Variants in RAPGEF2 observed in about 807,000 individuals in gnomAD.
RAPGEF2 encodes the protein Rap guanine nucleotide exchange factor 2.
RAPGEF2 carries 54 observed loss-of-function variants against 186.7 expected under a neutral mutation model. The ratio of observed to expected loss-of-function variants is 0.29; its 90% CI spans 0.23 to 0.36. The LOEUF (loss-of-function observed/expected upper bound fraction) is 0.36, where lower values mean the gene tolerates loss of function less well. Ranked by LOEUF, RAPGEF2 falls within the 10% of genes least tolerant of loss-of-function variation. The pLI is 1.00. For missense variants in RAPGEF2, 1,532 were observed against 2,045.0 expected (o/e 0.75, Z 4.84); for synonymous variants, 712 against 705.9 (o/e 1.01, Z -0.14).
chr4:159,137,954 T>G (rs1032648849), intron 1 of RAPGEF2, among the ~76,000 whole-genome samples: 4 of 152,248 alleles, frequency 2.6e-5, no homozygotes, highest in Non-Finnish European at 5.9e-5. Context: ...GGTTTTTAAA[T>G]TCTTTTCTTG....
intron 7 of RAPGEF2, among the ~76,000 whole-genome samples, chr4:159,262,269 TAAAAAC>T (rs1756962775): frequency 6.6e-6 from 1 of 152,144 alleles, no homozygotes; most frequent in Non-Finnish European, 1.5e-5. Context: ...TTTTCTTAAA[TAAAAAC>T]AGAGGGATAA....
At chr4:159,187,895 T>G (rs1747715611) in intron 2 of RAPGEF2, among the ~76,000 whole-genome samples, 1 of 152,212 alleles carries the variant, frequency 6.6e-6, no homozygotes, top group East Asian at 1.9e-4. Context: ...ACTAATTAAT[T>G]TGTGAGCATG....
intron 4 of RAPGEF2, among the ~76,000 whole-genome samples, chr4:159,230,616 A>T (rs1752527868): frequency 6.6e-6 from 1 of 152,186 alleles, no homozygotes. Flanking sequence ...TTTGGTCTTT[A>T]TAGGTTTGAC....
At chr4:159,322,566 T>C in intron 10 of RAPGEF2, 83 bp downstream of exon 10, 1 of 1,218,168 alleles carries the variant, frequency 8.2e-7, no homozygotes, top group Non-Finnish European at 1.2e-6. Flanking sequence ...CAATTCTTAC[T>C]TTTTCCTTTT....
At chr4:159,230,992 A>G (rs1216497232) in intron 4 of RAPGEF2, among the ~76,000 whole-genome samples, 1 of 152,184 alleles carries the variant, frequency 6.6e-6, no homozygotes, top group Non-Finnish European at 1.5e-5. Context: ...ATATGTCAGA[A>G]ATAATATTAT....
intron 12 of RAPGEF2, 94 bp downstream of exon 12, chr4:159,330,104 T>C: frequency 3.1e-6 from 4 of 1,290,800 alleles, no homozygotes. Flanking sequence ...TTTAGGCCTA[T>C]CTCTTAAAGG....
chr4:159,245,012 AT>A (rs1289978964), intron 7 of RAPGEF2, among the ~76,000 whole-genome samples: 1 of 152,044 alleles, frequency 6.6e-6, no homozygotes, highest in African/African-American at 2.4e-5. Flanking sequence ...ATAACATGAT[AT>A]TTTAAAAGAT....
At position 159,139,575 on chromosome 4, in the gene RAPGEF2, T is replaced by A. The variant is rs1052437644; in HGVS notation, c.69+35344T>A. On this transcript the variant is annotated intron_variant, in intron 1 of 29. Transcript: ENST00000691494. ...ACATGGAGTGTGATACTGGTGAAAT[T>A]AAAAAAAAAAATGTAGCACTTTAAA... Among the ~76,000 whole-genome samples, 5 of 148,210 alleles carry A rather than the reference T, an allele frequency of 3.4e-5. No individual in the cohort carries two copies. In the East Asian group the frequency reaches 7.8e-4, roughly 23 times the overall value.
intron 7 of RAPGEF2, among the ~76,000 whole-genome samples, chr4:159,244,950 T>G (rs2111488613): frequency 6.6e-6 from 1 of 152,136 alleles, no homozygotes; most frequent in African/African-American, 2.4e-5. Context: ...CAGAGTTTTA[T>G]GTACCTCAGT....
At chr4:159,134,244 C>A (rs1234256652) in intron 1 of RAPGEF2, among the ~76,000 whole-genome samples, 1 of 152,054 alleles carries the variant, frequency 6.6e-6, no homozygotes, top group Non-Finnish European at 1.5e-5. Flanking sequence ...AGTGTACAGT[C>A]TTTTTTGCAT....
At chr4:159,274,917 C>T (rs1427929181) in intron 7 of RAPGEF2, among the ~76,000 whole-genome samples, 1 of 152,152 alleles carries the variant, frequency 6.6e-6, no homozygotes, top group Non-Finnish European at 1.5e-5. Context: ...ATGGTCCCTG[C>T]CACTCACTGT....
intron 4 of RAPGEF2, among the ~76,000 whole-genome samples, chr4:159,219,291 T>A (rs1175274939): frequency 3.6e-5 from 5 of 139,608 alleles, no homozygotes; most frequent in Non-Finnish European, 6.2e-5. Flanking sequence ...TTGTTCTTTT[T>A]AAGATATTAA....
At chr4:159,289,953 A>G (rs1760978936) in intron 7 of RAPGEF2, among the ~76,000 whole-genome samples, 1 of 152,126 alleles carries the variant, frequency 6.6e-6, no homozygotes, top group South Asian at 2.1e-4. Flanking sequence ...GAGAAGATCA[A>G]AAGGAGAAGA....
chr4:159,201,639 A>AC (rs899878559), intron 3 of RAPGEF2, among the ~76,000 whole-genome samples: 1 of 152,312 alleles, frequency 6.6e-6, no homozygotes, highest in Non-Finnish European at 1.5e-5. Context: ...GGGACCCTGA[A>AC]CTGTAGCAAA....
chr4:159,203,378 A>T (rs1432858216), intron 3 of RAPGEF2, among the ~76,000 whole-genome samples: 1 of 152,114 alleles, frequency 6.6e-6, no homozygotes, highest in East Asian at 1.9e-4. Flanking sequence ...GGTACTTAAG[A>T]GTTAGAGGAG....
At chr4:159,355,558 A>G (rs1192814710) in intron 28 of RAPGEF2, among the ~76,000 whole-genome samples, 2 of 152,274 alleles carry the variant, frequency 1.3e-5, no homozygotes, top group South Asian at 2.1e-4. Flanking sequence ...TTACTATTTT[A>G]TAGTTACAGA....
At chr4:159,147,759 T>A (rs1743098535) in intron 1 of RAPGEF2, among the ~76,000 whole-genome samples, 1 of 152,220 alleles carries the variant, frequency 6.6e-6, no homozygotes, top group Admixed American at 6.5e-5. Context: ...AGATTCCAAT[T>A]GTTGCTTTCT....
chr4:159,253,915 C>T (rs1258059331), intron 7 of RAPGEF2, among the ~76,000 whole-genome samples: 4 of 152,032 alleles, frequency 2.6e-5, no homozygotes, highest in Admixed American at 2.6e-4. Flanking sequence ...TGGCAGTGAG[C>T]CTGGGGAACA....
rs986597526 is a variant in RAPGEF2 at position 159,356,283 on chromosome 4, C to T, written c.4957+125C>T. The T allele has an allele frequency of 1.7e-5, 17 of 1,005,330 alleles. 1 individual carries two copies. In the South Asian group the frequency reaches 2.8e-4, roughly 16 times the overall value. The allele number at this position is 1,005,330 out of a possible 1,614,324, so 62.3% of individuals were successfully genotyped here. On this transcript the variant is annotated intron_variant, in intron 29 of 29. Transcript: ENST00000691494. ...GTCTAACCATATACTACACAAAGTA[C>T]ACTACATTCAGAGTTCCAAATTTAG...
Sources: gnomAD v4.1 joint callset for allele counts (sites outside exome capture counted in the v4.1 genomes callset) on GRCh38, gnomAD v4.1.1 for gene constraint, MANE v1.5 for transcripts, NCBI Gene and HGNC (gene_info 2026-07-23, HGNC 2026-07-21) for gene names.